The following EPHA3 variants were observed in gnomAD, a reference collection of about 807,000 sequenced individuals.
EPHA3 encodes EPH receptor A3.
A neutral mutation model predicts 107.1 loss-of-function variants in EPHA3; 42 were observed. The ratio of observed to expected loss-of-function variants is 0.39; its 90% CI spans 0.31 to 0.51. The LOEUF (loss-of-function observed/expected upper bound fraction) is 0.51, where lower values mean the gene tolerates loss of function less well. Ranked by LOEUF, EPHA3 falls within the 20% of genes least tolerant of loss-of-function variation. The pLI, the probability that EPHA3 is intolerant of heterozygous loss-of-function variation, is 0.78. For synonymous variants in EPHA3, 461 were observed against 424.8 expected, an observed-to-expected ratio of 1.09 and a Z score of -1.05; for missense variants, 1,183 against 1,211.2, an observed-to-expected ratio of 0.98 and a Z score of 0.35.
At chr3:89,335,452 C>T (rs1707373532) in intron 3 of EPHA3, among the ~76,000 whole-genome samples, 1 of 152,162 alleles carries the variant, frequency 6.6e-6, no homozygotes, top group African/African-American at 2.4e-5. Flanking sequence ...TAGGGAAACA[C>T]AATCATTCAC....
At chr3:89,142,765 T>C (rs1196662105) in intron 2 of EPHA3, among the ~76,000 whole-genome samples, 1 of 151,452 alleles carries the variant, frequency 6.6e-6, no homozygotes, top group Non-Finnish European at 1.5e-5. Context: ...TTTATTTTTA[T>C]TGTTATAATC....
At chr3:89,206,756 C>T (rs1420379139) in intron 2 of EPHA3, among the ~76,000 whole-genome samples, 1 of 152,064 alleles carries the variant, frequency 6.6e-6, no homozygotes, top group Non-Finnish European at 1.5e-5. Flanking sequence ...CTCAGTTGCT[C>T]TTATCTTCTT....
At chr3:89,108,613 T>G (rs879327266) in intron 1 of EPHA3, among the ~76,000 whole-genome samples, 5 of 152,258 alleles carry the variant, frequency 3.3e-5, no homozygotes, top group African/African-American at 7.2e-5. Flanking sequence ...AAATGGCATT[T>G]CCTTGATGTT....
At chr3:89,235,836 G>A (rs1053783950) in intron 3 of EPHA3, among the ~76,000 whole-genome samples, 3 of 151,676 alleles carry the variant, frequency 2.0e-5, no homozygotes, top group Admixed American at 1.3e-4. Flanking sequence ...CAAACTGAGA[G>A]AAATTATTCT....
chr3:89,140,790 A>G (rs931210628), intron 2 of EPHA3, among the ~76,000 whole-genome samples: 2 of 151,704 alleles, frequency 1.3e-5, no homozygotes, highest in African/African-American at 4.8e-5. Context: ...TATGTAGCAT[A>G]CAAGGGGCTT....
intron 3 of EPHA3, among the ~76,000 whole-genome samples, chr3:89,238,937 C>T (rs1352374199): frequency 1.3e-5 from 2 of 152,118 alleles, no homozygotes; most frequent in Non-Finnish European, 2.9e-5. Context: ...ATCTCAGAAA[C>T]AGAAACCTAT....
chr3:89,349,671 G>A (rs1279990559), intron 5 of EPHA3, among the ~76,000 whole-genome samples: 1 of 140,836 alleles, frequency 7.1e-6, no homozygotes, highest in Non-Finnish European at 1.6e-5. Context: ...GATGTTAGCT[G>A]GTGATTTTGC....
chr3:89,166,437 CTT>C (rs766127753), intron 2 of EPHA3, among the ~76,000 whole-genome samples: 21 of 152,174 alleles, frequency 1.4e-4, no homozygotes, highest in Non-Finnish European at 2.2e-4. Context: ...ATGCCTGTAA[CTT>C]TTGAAAATGA....
intron 2 of EPHA3, among the ~76,000 whole-genome samples, chr3:89,202,531 AAAAAT>A (rs1214914719): frequency 0.021 from 526 of 24,590 alleles, 1 homozygote; most frequent in African/African-American, 0.029. Context: ...AAAAAAAAAA[AAAAAT>A]ATATATATAT....
At chr3:89,473,238 A>G (rs999837464) in intron 16 of EPHA3, among the ~76,000 whole-genome samples, 1 of 152,210 alleles carries the variant, frequency 6.6e-6, no homozygotes, top group Non-Finnish European at 1.5e-5. Context: ...AAGAAAAAAT[A>G]TGCGTCATAA....
At chr3:89,287,322 T>G (rs1372894880) in intron 3 of EPHA3, among the ~76,000 whole-genome samples, 1 of 152,054 alleles carries the variant, frequency 6.6e-6, no homozygotes, top group Non-Finnish European at 1.5e-5. Flanking sequence ...CTTGCCAAAG[T>G]TTATGTGAAG....
At position 89,210,098 on chromosome 3, in the gene EPHA3, A is replaced by C; in HGVS notation, c.392A>C (p.His131Pro). ...TACTACATGGAGTCTGATGATGATC[A>C]TGGGGTGAAATTTCGAGAGCATCAG... ...NLYYMESDDD[H>P]GVKFREHQFT... The change falls in exon 3 of 17, where the codon CAT becomes CCT. Residue 131 changes from histidine (H) to proline (P), a missense_variant. Transcript: ENST00000336596. The C allele has an allele frequency of 1.2e-6, 2 of 1,614,068 alleles. No homozygotes were observed. The highest frequency in any genetic ancestry group is 1.7e-6 in the Non-Finnish European group (2 of 1,179,932).
intron 3 of EPHA3, among the ~76,000 whole-genome samples, chr3:89,256,066 A>G (rs1176819884): frequency 6.6e-6 from 1 of 151,966 alleles, no homozygotes; most frequent in Non-Finnish European, 1.5e-5. Flanking sequence ...TCTATCCAAC[A>G]TGGTGAAACC....
chr3:89,255,634 C>T (rs944162130), intron 3 of EPHA3, among the ~76,000 whole-genome samples: 1 of 151,958 alleles, frequency 6.6e-6, no homozygotes, highest in African/African-American at 2.4e-5. Flanking sequence ...GGTGAGGTGG[C>T]TCATGCCTGT....
chr3:89,466,539 C>A (rs954209443), intron 15 of EPHA3, among the ~76,000 whole-genome samples: 1 of 133,378 alleles, frequency 7.5e-6, no homozygotes, highest in Non-Finnish European at 1.6e-5. Context: ...TGTGGTGCGC[C>A]GTTTCTTAAG....
chr3:89,127,121 A>G (rs1424728839), intron 1 of EPHA3, 88 bp from the exon 2 acceptor site: 2 of 1,006,380 alleles, frequency 2.0e-6, no homozygotes, highest in African/African-American at 1.6e-5. Context: ...TTTGAGCAAC[A>G]TCAACAACAG....
At chr3:89,468,568 A>G (rs536208675) in intron 15 of EPHA3, among the ~76,000 whole-genome samples, 2 of 152,334 alleles carry the variant, frequency 1.3e-5, no homozygotes, top group South Asian at 4.1e-4. Context: ...AAAACTTGAC[A>G]TAAGATTCTG....
chr3:89,357,920 C>A (rs1313984020), intron 5 of EPHA3, among the ~76,000 whole-genome samples: 2 of 151,130 alleles, frequency 1.3e-5, no homozygotes, highest in African/African-American at 4.8e-5. Flanking sequence ...TTTACAAATT[C>A]TTATTATTGC....
chr3:89,145,719 G>T (rs1704541639), intron 2 of EPHA3, among the ~76,000 whole-genome samples: 1 of 151,420 alleles, frequency 6.6e-6, no homozygotes, highest in Non-Finnish European at 1.5e-5. Flanking sequence ...CTTATTTGTT[G>T]TTTTATTTTT....
Sources: allele counts gnomAD v4.1 joint callset (sites outside exome capture counted in the v4.1 genomes callset), GRCh38; gene constraint gnomAD v4.1.1; transcripts MANE v1.5; gene names NCBI Gene and HGNC (gene_info 2026-07-23, HGNC 2026-07-21).